The following TTC31 variants were observed in gnomAD, a reference collection of about 807,000 sequenced individuals.
The protein encoded by TTC31 is tetratricopeptide repeat protein 31.
A neutral mutation model predicts 60.4 loss-of-function variants in TTC31; 59 were observed. That is an observed-to-expected ratio of 0.98 (90% confidence interval 0.79 to 1.21). The LOEUF is 1.21. TTC31 is among the 50% of genes most tolerant of loss of function. The pLI is 0.00. For missense variants in TTC31, 672 were observed against 646.9 expected (o/e 1.04, Z -0.42); for synonymous variants, 225 against 249.6 (o/e 0.90, Z 0.93).
At chr2:74,489,876 A>T (rs576373087) in intron 2 of TTC31, 149 bp from the exon 3 acceptor site, 7 of 634,700 alleles carry the variant, frequency 1.1e-5, no homozygotes, top group Non-Finnish European at 2.0e-5. Flanking sequence ...TGCGGTGCTG[A>T]GGAGGGAGAG....
At position 74,493,164 on chromosome 2, in the gene TTC31, A is replaced by C. The variant is rs1379060134; in HGVS notation, c.1506A>C (p.Ser502=). 1 of 1,614,164 alleles carries C rather than the reference A, an allele frequency of 6.2e-7. No individual in the cohort carries two copies. The highest frequency in any genetic ancestry group is 1.7e-5 in the Admixed American group (1 of 60,024). The change falls in exon 13 of 13, where the codon TCA becomes TCC. Residue 502 remains serine, a synonymous_variant. Coordinates refer to ENST00000233623, the MANE Select transcript of TTC31 (RefSeq NM_022492.6). ...RPHPLKPQDP[S]KGWDILGLGL... ...ATCCTCTCAAGCCCCAGGACCCTTC[A>C]AAGGGCTGGGACATCCTGGGACTTG...
At chr2:74,483,176 G>A (rs1410912764) in intron 1 of TTC31, 41 bp downstream of exon 1, 1 of 1,614,000 alleles carries the variant, frequency 6.2e-7, no homozygotes, top group East Asian at 2.2e-5. Flanking sequence ...TAGGAGGGCA[G>A]AGGCAGCCCC....
Position 74,493,314 on chromosome 2 carries a change from TCTC to T in TTC31, c.*97_*99del. The T allele has an allele frequency of 7.9e-7, 1 of 1,271,404 alleles. No homozygotes were observed. Among genetic ancestry groups the T allele is most frequent in the South Asian group, 1.4e-5 (1 of 70,668 alleles). The allele number at this position is 1,271,404 out of a possible 1,614,324, so 78.8% of individuals were successfully genotyped here. A position where few individuals can be genotyped will look rare whatever the true frequency, so the allele number is the denominator to read the frequency against. On this transcript the variant is annotated 3_prime_UTR_variant, in exon 13 of 13. Transcript: ENST00000233623. ...TTCACTGCATATTTTGAGACCTTATTCTCTAGATCCATAGTTAATGATGCCCTG... is the reference window on the plus strand; with the variant it reads ...TTCACTGCATATTTTGAGACCTTATTTAGATCCATAGTTAATGATGCCCTG...
Position 74,492,713 on chromosome 2 carries a change from G to T in TTC31, c.1229G>T (p.Arg410Leu), listed in dbSNP as rs1202917793. The T allele has an allele frequency of 1.2e-6, 2 of 1,614,174 alleles. No homozygotes were observed. Among genetic ancestry groups the T allele is most frequent in the East Asian group, 4.5e-5 (2 of 44,880 alleles). The change falls in exon 12 of 13, where the codon CGA (arginine) becomes CTA (leucine). Residue 410 changes from arginine (R) to leucine (L), a missense_variant. Transcript: ENST00000233623. ...GGTGGGTCCCAGCCTGACGCAGCCC[G>T]AGAGCTCCGCTCTTGCCTTCTCCAC... ...LRGGSQPDAA[R>L]ELRSCLLHLT...
At chr2:74,491,057 C>A in intron 5 of TTC31, 71 bp from the exon 6 acceptor site, 1 of 1,589,730 alleles carries the variant, frequency 6.3e-7, no homozygotes, top group South Asian at 1.1e-5. Context: ...AGATGGAATG[C>A]GAAATCTTAG....
Position 74,483,330 on chromosome 2 carries a change from C to G in TTC31, c.49C>G (p.Leu17Val), listed in dbSNP as rs1558577976. ...GCCTTCCTTTCCTGTAGACTGCTCT[C>G]TACGGCCCAGCTGCCCACTGGAGGT... ...TVGRIKLDCS[L>V]RPSCPLEVAA... Residue 17 changes from leucine to valine, a missense_variant, in exon 2 of 13, where the codon CTA becomes GTA. Leu to Val is a conservative substitution (Grantham distance 32). Coordinates refer to ENST00000233623, the MANE Select transcript of TTC31 (RefSeq NM_022492.6). The G allele has an allele frequency of 6.2e-7, 1 of 1,614,194 alleles. No individual in the cohort carries two copies. The highest frequency in any genetic ancestry group is 8.5e-7 in the Non-Finnish European group (1 of 1,180,040).
At chr2:74,488,571 G>A (rs1443232368) in intron 2 of TTC31, among the ~76,000 whole-genome samples, 1 of 152,212 alleles carries the variant, frequency 6.6e-6, no homozygotes, top group African/African-American at 2.4e-5. Flanking sequence ...TTGTGAATGA[G>A]GGAGAGGTCC....
intron 8 of TTC31, 160 bp downstream of exon 8, chr2:74,491,832 C>A: frequency 7.2e-7 from 1 of 1,383,396 alleles, no homozygotes; most frequent in Non-Finnish European, 9.9e-7. Context: ...GTCACCATGA[C>A]CCCGGGTGGT....
intron 5 of TTC31, 21 bp from the exon 6 acceptor site, chr2:74,491,107 T>C: frequency 1.9e-6 from 3 of 1,614,128 alleles, no homozygotes; most frequent in Non-Finnish European, 2.5e-6. Context: ...AAATACATCA[T>C]TGTTACCATT....
chr2:74,483,289 C>T (rs534915022), intron 1 of TTC31, 33 bp from the exon 2 acceptor site: 10 of 1,613,428 alleles, frequency 6.2e-6, no homozygotes, highest in Non-Finnish European at 7.6e-6. Context: ...TGTCCCGAGC[C>T]CGCTGACGAG....
chr2:74,490,927 A>T, intron 5 of TTC31, 188 bp downstream of exon 5: 1 of 892,868 alleles, frequency 1.1e-6, no homozygotes, highest in Non-Finnish European at 1.7e-6. Flanking sequence ...CTGGAATCCT[A>T]CTGTGCTGCC....
chr2:74,486,978 A>C (rs1437081143), intron 2 of TTC31, among the ~76,000 whole-genome samples: 1 of 152,168 alleles, frequency 6.6e-6, no homozygotes, highest in Non-Finnish European at 1.5e-5. Context: ...CGAAGGAGTG[A>C]GCTGTTCACT....
In TTC31 at chr2:74,490,668, C is replaced by CTGGCTGAGGAGCTGG; in HGVS notation, c.487_501dup (p.Leu163_Glu167dup). ...CTTCGTCCTTCAGGAAGCCAATCGCCTGGCTGAGGAGCTGGTGGCTGAGGA... is the reference window on the plus strand; with the variant it reads ...CTTCGTCCTTCAGGAAGCCAATCGCCTGGCTGAGGAGCTGGTGGCTGAGGAGCTGGTGGCTGAGGA... On this transcript the variant is annotated inframe_insertion, in exon 5 of 13. Coordinates refer to ENST00000233623, the MANE Select transcript of TTC31 (RefSeq NM_022492.6). 1.2e-6 allele frequency: 2 copies of CTGGCTGAGGAGCTGG among 1,608,416 alleles called. No homozygotes were observed. Among genetic ancestry groups the CTGGCTGAGGAGCTGG allele is most frequent in the Non-Finnish European group, 1.7e-6 (2 of 1,177,188 alleles).
Position 74,490,056 on chromosome 2 carries a change from AGAGT to A in TTC31, c.164_167del (p.Ser55IlefsTer96). The A allele has an allele frequency of 2.8e-6, 4 of 1,436,846 alleles. No individual in the cohort carries two copies. Among genetic ancestry groups the A allele is most frequent in the Non-Finnish European group, 3.7e-6 (4 of 1,073,768 alleles). 89.0% of individuals were successfully genotyped at this position (1,436,846 alleles called of 1,614,324 possible). A position where few individuals can be genotyped will look rare whatever the true frequency, so the allele number is the denominator to read the frequency against. ...GTGGATTTTCTTCGACGGCTTGTGG[AGAGT>A]GATCCCCAGGGCCTGCACCGGATCC... On this transcript the variant is annotated frameshift_variant, in exon 3 of 13. Coordinates refer to ENST00000233623, the MANE Select transcript of TTC31 (RefSeq NM_022492.6). LOFTEE classifies it high-confidence loss of function.
chr2:74,490,739 G>C lies in TTC31; in HGVS notation c.546G>C (p.Lys182Asn). ...QKAEKKRLKKKRQKERKRQER... is the reference protein window; with the variant it reads ...QKAEKKRLKKNRQKERKRQER... ...CAGAGAAAAAGCGACTCAAGAAGAA[G>C]GTGGCTAGAGCATGGCTGGAGGGTG... The change falls in exon 5 of 13, where the codon AAG (lysine) becomes AAC (asparagine). Residue 182 changes from lysine to asparagine, a missense_variant and splice_region_variant. Coordinates refer to ENST00000233623, the MANE Select transcript of TTC31 (RefSeq NM_022492.6). 6.2e-7 allele frequency: 1 copy of C among 1,612,256 alleles called. No individual in the cohort carries two copies. Among genetic ancestry groups the C allele is most frequent in the Non-Finnish European group, 8.5e-7 (1 of 1,179,174 alleles).
intron 3 of TTC31, 42 bp downstream of exon 3, chr2:74,490,169 C>T: frequency 1.2e-6 from 2 of 1,610,934 alleles, no homozygotes; most frequent in Non-Finnish European, 1.7e-6. Context: ...GAGGCTGGTA[C>T]CCTGGGAGGG....
chr2:74,491,735 G>A, intron 8 of TTC31, 63 bp downstream of exon 8: 2 of 1,568,266 alleles, frequency 1.3e-6, no homozygotes, highest in African/African-American at 1.4e-5. Flanking sequence ...AGCTGCTGGG[G>A]AGGCACAGGG....
intron 12 of TTC31, 36 bp downstream of exon 12, chr2:74,492,783 G>C (rs17009980): frequency 6.2e-7 from 1 of 1,605,670 alleles, no homozygotes; most frequent in Admixed American, 1.7e-5. Context: ...GCTGAGGCGG[G>C]TATCAGGGAG....
At position 74,489,960 on chromosome 2, in the gene TTC31, A is replaced by C. The variant is rs1572959023; in HGVS notation, c.130-65A>C. On this transcript the variant is annotated intron_variant, in intron 2 of 12. Coordinates refer to ENST00000233623, the MANE Select transcript of TTC31 (RefSeq NM_022492.6). ...CATGGTGGAGAGATCAAGCCAGCGA[A>C]GCCCTTGCTCTCTCCAGGAACTGCC... The C allele has an allele frequency of 6.8e-6, 8 of 1,168,486 alleles. 1 individual carries two copies. In the East Asian group the frequency reaches 2.0e-4, roughly 30 times the overall value. 72.4% of individuals were successfully genotyped at this position (1,168,486 alleles called of 1,614,324 possible).
Sources: allele counts gnomAD v4.1 joint callset (sites outside exome capture counted in the v4.1 genomes callset), GRCh38; gene constraint gnomAD v4.1.1; transcripts MANE v1.5; gene names NCBI Gene and HGNC (gene_info 2026-07-23, HGNC 2026-07-21).